The following GRAP2 variants were observed in gnomAD, a reference collection of about 807,000 sequenced individuals.
GRAP2 encodes the protein GRB2 related adaptor protein 2.
A neutral mutation model predicts 43.5 loss-of-function variants in GRAP2; 31 were observed. That is an observed-to-expected ratio of 0.71 (90% CI 0.54 to 0.96). GRAP2 has a LOEUF of 0.96. Ranked by LOEUF, GRAP2 falls within the 40% of genes least tolerant of loss-of-function variation. The pLI is 0.00. For missense variants in GRAP2, 371 were observed against 424.4 expected, an observed-to-expected ratio of 0.87 and a Z score of 1.11; for synonymous variants, 156 against 164.8, an observed-to-expected ratio of 0.95 and a Z score of 0.41.
At chr22:39,911,483 T>C (rs1486301586) in intron 1 of GRAP2, among the ~76,000 whole-genome samples, 2 of 152,022 alleles carry the variant, frequency 1.3e-5, no homozygotes, top group Non-Finnish European at 2.9e-5. Flanking sequence ...TGGAAACCTT[T>C]AAAAGACTTA....
intron 1 of GRAP2, 154 bp from the exon 2 acceptor site, chr22:39,946,939 A>G (rs1212064767): frequency 3.3e-6 from 2 of 597,558 alleles, no homozygotes; most frequent in Non-Finnish European, 6.1e-6. Flanking sequence ...TCCTGCAAAC[A>G]CAAGCCCTTG....
At chr22:39,970,790 G>C in intron 7 of GRAP2, 115 bp from the exon 8 acceptor site, 1 of 960,486 alleles carries the variant, frequency 1.0e-6, no homozygotes, top group Non-Finnish European at 1.5e-6. Flanking sequence ...AGAGGGGTCA[G>C]CCTTCAGGGA....
intron 7 of GRAP2, among the ~76,000 whole-genome samples, chr22:39,970,222 C>A (rs1361824966): frequency 6.6e-6 from 1 of 152,158 alleles, no homozygotes; most frequent in African/African-American, 2.4e-5. Flanking sequence ...CTCAAGCGAT[C>A]CTCCTGCCTC....
Position 39,926,864 on chromosome 22 carries a change from A to G in GRAP2, c.-14-20229A>G, listed in dbSNP as rs2066706827. Reference sequence around the variant, plus strand: ...GGCTGACATAATCAAGTAAGTATAAATATATTTATCGTGATTGGAATGGGG... The same window carrying G: ...GGCTGACATAATCAAGTAAGTATAAGTATATTTATCGTGATTGGAATGGGG... On this transcript the variant is annotated intron_variant, in intron 1 of 7. Coordinates refer to ENST00000344138, the MANE Select transcript of GRAP2 (RefSeq NM_004810.4). 4.1e-6 allele frequency: 4 copies of G among 982,648 alleles called. No individual in the cohort carries two copies. The South Asian group carries it at 1.4e-4, about 35-fold the overall frequency. The allele number at this position is 982,648 out of a possible 1,614,324, so 60.9% of individuals were successfully genotyped here.
chr22:39,928,197 T>C (rs1356185449), intron 1 of GRAP2, among the ~76,000 whole-genome samples: 2 of 152,378 alleles, frequency 1.3e-5, no homozygotes, highest in East Asian at 3.9e-4. Context: ...CTTCTATCTC[T>C]TGCCAGAAAT....
intron 3 of GRAP2, among the ~76,000 whole-genome samples, chr22:39,958,083 C>T (rs1243168085): frequency 6.6e-6 from 1 of 152,152 alleles, no homozygotes; most frequent in Non-Finnish European, 1.5e-5. Flanking sequence ...ACCAGGCTCC[C>T]CATGGGCTGT....
chr22:39,970,847 C>T, intron 7 of GRAP2, 58 bp from the exon 8 acceptor site: 4 of 1,434,158 alleles, frequency 2.8e-6, no homozygotes, highest in African/African-American at 1.4e-5. Flanking sequence ...CCAGCAGACC[C>T]TCCCCTGCCT....
At chr22:39,964,314 G>T in intron 4 of GRAP2, 2 of 686,522 alleles carry the variant, frequency 2.9e-6, no homozygotes, top group Non-Finnish European at 5.3e-6. Flanking sequence ...GCAACAAAAG[G>T]TGCTGATCTA....
At chr22:39,969,264 T>A in intron 6 of GRAP2, 147 bp from the exon 7 acceptor site, 1 of 881,488 alleles carries the variant, frequency 1.1e-6, no homozygotes, top group Admixed American at 2.1e-5. Context: ...CCTTAGGTCC[T>A]CCTCAACGTG....
rs1037242057 is a variant in GRAP2, at chr22:39,957,968, T to G, written c.170+2058T>G. On this transcript the variant is annotated intron_variant, in intron 3 of 7. Transcript: ENST00000344138. ...AAAAAAATTTAAATAAATAAATAAA[T>G]CAAGAAAATTCTTAATCCCAAATCC... Among the ~76,000 whole-genome samples, 7 of 151,920 alleles carry G rather than the reference T, an allele frequency of 4.6e-5. 1 individual carries two copies. The South Asian group carries it at 1.5e-3, about 31-fold the overall frequency.
intron 3 of GRAP2, among the ~76,000 whole-genome samples, chr22:39,957,782 A>G (rs576652189): frequency 2.6e-5 from 4 of 152,150 alleles, no homozygotes; most frequent in Admixed American, 2.6e-4. Flanking sequence ...AAAAATTTTT[A>G]AAAATTAGCT....
intron 1 of GRAP2, among the ~76,000 whole-genome samples, chr22:39,945,657 G>A (rs1484956089): frequency 6.6e-6 from 1 of 152,208 alleles, no homozygotes; most frequent in East Asian, 1.9e-4. Context: ...TGTCTTAGCA[G>A]AGAATCACAG....
At chr22:39,959,711 A>G (rs1018797098) in intron 3 of GRAP2, among the ~76,000 whole-genome samples, 14 of 152,112 alleles carry the variant, frequency 9.2e-5, no homozygotes, top group Admixed American at 6.5e-4. Flanking sequence ...GCTCTGGTCT[A>G]TCTCTTCCGC....
chr22:39,939,831 C>T (rs2066847997), intron 1 of GRAP2, among the ~76,000 whole-genome samples: 1 of 152,048 alleles, frequency 6.6e-6, no homozygotes, highest in Non-Finnish European at 1.5e-5. Flanking sequence ...ATTGCTTGAG[C>T]CTGGGAGGTG....
At chr22:39,908,495 AT>A (rs2066537921) in intron 1 of GRAP2, among the ~76,000 whole-genome samples, 3 of 152,256 alleles carry the variant, frequency 2.0e-5, no homozygotes, top group African/African-American at 7.2e-5. Context: ...TGATGGGCTT[AT>A]TTTGGGCTGA....
intron 4 of GRAP2, chr22:39,964,515 C>A: frequency 1.0e-6 from 1 of 971,370 alleles, no homozygotes; most frequent in East Asian, 2.4e-5. Context: ...AAGCGAAGGT[C>A]GTGGGGAAGG....
Position 39,969,400 on chromosome 22 carries a change from T to C in GRAP2, c.691-11T>C. On this transcript the variant is annotated splice_polypyrimidine_tract_variant and intron_variant, in intron 6 of 7. Transcript: ENST00000344138. ...CAGTGGGGTGACCAGTCTTCTGTTG[T>C]ATGTTTCTAGGAACGCCGAGGAGGC... The C allele has an allele frequency of 6.2e-7, 1 of 1,613,550 alleles. No individual in the cohort carries two copies. The highest frequency in any genetic ancestry group is 8.5e-7 in the Non-Finnish European group (1 of 1,179,644).
chr22:39,947,062 A>T (rs372002796), intron 1 of GRAP2, 31 bp from the exon 2 acceptor site: 41 of 1,268,822 alleles, frequency 3.2e-5, no homozygotes, highest in Non-Finnish European at 4.6e-5. Context: ...CCTGGCAGAG[A>T]GGCACAATGA....
intron 1 of GRAP2, among the ~76,000 whole-genome samples, chr22:39,915,994 G>A (rs886411567): frequency 1.3e-5 from 2 of 152,096 alleles, no homozygotes; most frequent in African/African-American, 4.8e-5. Flanking sequence ...TGGACCTAAG[G>A]CCTTCCCTCT....
Sources: gnomAD v4.1 joint callset for allele counts (sites outside exome capture counted in the v4.1 genomes callset) on GRCh38, gnomAD v4.1.1 for gene constraint, MANE v1.5 for transcripts, NCBI Gene and HGNC (gene_info 2026-07-23, HGNC 2026-07-21) for gene names.